Variants in ATP7B observed in about 807,000 individuals in gnomAD.
ATP7B encodes ATPase copper transporting beta, also known as copper-transporting ATPase 2.
A neutral mutation model predicts 118.9 loss-of-function variants in ATP7B; 113 were observed. That is an observed-to-expected ratio of 0.95 (90% CI 0.82 to 1.11). ATP7B has a LOEUF of 1.11. ATP7B is among the 50% of genes most tolerant of loss of function. The pLI is 0.00. For missense variants in ATP7B, 1,867 were observed against 1,871.4 expected (o/e 1.00, Z 0.04); for synonymous variants, 777 against 727.4 (o/e 1.07, Z -1.10).
intron 19 of ATP7B, among the ~76,000 whole-genome samples, chr13:51,936,672 G>A (rs1422703066): frequency 6.6e-6 from 1 of 152,102 alleles, no homozygotes; most frequent in African/African-American, 2.4e-5. Flanking sequence ...GGACTAAGGT[G>A]TACGCTACCA....
intron 4 of ATP7B, 28 bp from the exon 5 acceptor site, chr13:51,965,061 C>A: frequency 6.2e-7 from 1 of 1,613,374 alleles, no homozygotes; most frequent in Non-Finnish European, 8.5e-7. Context: ...AAGAATCCCA[C>A]AGACCCAGGA....
upstream of ATP7B, chr13:52,011,633 C>T (rs955173775): frequency 9.1e-6 from 5 of 549,566 alleles, no homozygotes; most frequent in Non-Finnish European, 1.6e-5. Context: ...CTCGCCCACT[C>T]CCCAGGTGGC....
chr13:51,947,168 G>A (rs965800719), intron 12 of ATP7B, among the ~76,000 whole-genome samples: 3 of 152,148 alleles, frequency 2.0e-5, no homozygotes, highest in African/African-American at 7.2e-5. Context: ...GGTACCAGCA[G>A]CACTGCAAAA....
intron 9 of ATP7B, among the ~76,000 whole-genome samples, chr13:51,955,834 CA>C (rs933818604): frequency 3.4e-4 from 52 of 151,928 alleles, no homozygotes; most frequent in African/African-American, 1.2e-3. Flanking sequence ...ACCCATGGCA[CA>C]GCAGAGCCCA....
Position 51,970,599 on chromosome 13 carries a change from G to A in ATP7B, c.1436C>T (p.Pro479Leu). 6.2e-7 allele frequency: 1 copy of A among 1,614,102 alleles called. No individual in the cohort carries two copies. Among genetic ancestry groups the A allele is most frequent in the East Asian group, 2.2e-5 (1 of 44,868 alleles). ...NHAPDILAKS[P>L]QSTRAVAPQK... is the part of the protein sequence containing the mutation. The stretch of plus-strand genomic sequence containing the variant: ...CGGTGCCACTGCTCTGGTTGATTGT[G>A]GGGACTTTGCCAAGATGTCCGGGGC... Residue 479 changes from proline to leucine, a missense_variant, in exon 3 of 21, where the codon CCA becomes CTA. Pro to Leu is a moderately conservative substitution (Grantham distance 98, BLOSUM62 -3). Transcript: ENST00000242839.
At chr13:51,962,930 A>C (rs1010143548) in intron 5 of ATP7B, among the ~76,000 whole-genome samples, 58 of 152,092 alleles carry the variant, frequency 3.8e-4, no homozygotes, top group Non-Finnish European at 7.8e-4. Context: ...CATCTCTACT[A>C]AAAATACAAA....
intron 1 of ATP7B, among the ~76,000 whole-genome samples, chr13:51,977,218 T>G (rs1263561255): frequency 9.0e-6 from 1 of 110,658 alleles, no homozygotes; most frequent in East Asian, 2.7e-4. Context: ...CTTTTTTACT[T>G]CATAAACGTT....
Position 51,950,666 on chromosome 13 carries a change from T to C in ATP7B, c.2448-267A>G, listed in dbSNP as rs548157818. 1.1e-4 allele frequency among the ~76,000 whole-genome samples: 17 copies of C among 152,070 alleles called. 1 individual carries two copies. Among genetic ancestry groups the C allele is most frequent in the Admixed American group, 8.5e-4 (13 of 15,274 alleles). On this transcript the variant is annotated intron_variant, in intron 9 of 20. Coordinates refer to ENST00000242839, the MANE Select transcript of ATP7B (RefSeq NM_000053.4). ...TGGTAGAAATGGACAACAAGCAAGA[T>C]AGAATCAGGTATTAAATATTAATAA... is the stretch of plus-strand genomic sequence containing the variant.
Position 51,974,138 on chromosome 13 carries a change from G to A in ATP7B, c.1082C>T (p.Thr361Ile), listed in dbSNP as rs1243293542. 2.5e-6 allele frequency: 4 copies of A among 1,613,962 alleles called. No homozygotes were observed. Among genetic ancestry groups the A allele is most frequent in the Non-Finnish European group, 3.4e-6 (4 of 1,180,024 alleles). ...GGTCATGCCGGCAATGGCAATCAGA[G>A]TGGTACTGCATGTGCCCTGGACCTG... ...RNQVQGTCST[T>I]LIAIAGMTCA... The change falls in exon 2 of 21, where the codon ACT becomes ATT. Residue 361 changes from threonine (T) to isoleucine (I), a missense_variant. Transcript: ENST00000242839.
At chr13:51,970,387 T>C (rs1336094638) in intron 3 of ATP7B, 105 bp downstream of exon 3, 8 of 1,520,928 alleles carry the variant, frequency 5.3e-6, no homozygotes, top group Non-Finnish European at 7.3e-6. Flanking sequence ...ACTTGCTACC[T>C]GGTTATCAGG....
Position 51,974,895 on chromosome 13 carries a change from G to A in ATP7B, c.325C>T (p.Leu109=), listed in dbSNP as rs751920801. The change falls in exon 2 of 21, where the codon CTG becomes TTG. Residue 109 remains leucine, a synonymous_variant. Transcript: ENST00000242839. ...TVKYVPSVVC[L]QQVCHQIGDM... ...CCAATTTGATGGCAAACCTGTTGCAGGCACACAACCGATGGCACATATTTC... is the reference window on the plus strand; with the variant it reads ...CCAATTTGATGGCAAACCTGTTGCAAGCACACAACCGATGGCACATATTTC... 237 of 1,614,114 alleles carry A rather than the reference G, an allele frequency of 1.5e-4. No homozygotes were observed. The highest frequency in any genetic ancestry group is 2.0e-4 in the Non-Finnish European group (232 of 1,180,046).
intron 1 of ATP7B, among the ~76,000 whole-genome samples, chr13:51,988,219 AAAAC>A (rs2140329717): frequency 6.6e-6 from 1 of 152,002 alleles, no homozygotes; most frequent in East Asian, 1.9e-4. Flanking sequence ...CAAGAAAAAA[AAAAC>A]AACCCCATCA....
chr13:51,941,712 G>A (rs747058238), intron 15 of ATP7B, among the ~76,000 whole-genome samples: 3 of 152,172 alleles, frequency 2.0e-5, no homozygotes, highest in Non-Finnish European at 2.9e-5. Flanking sequence ...TTCTAACAGC[G>A]TGTGCTGCTA....
chr13:51,957,438 A>C, intron 9 of ATP7B, 78 bp downstream of exon 9: 1 of 1,426,210 alleles, frequency 7.0e-7, no homozygotes, highest in Non-Finnish European at 9.9e-7. Flanking sequence ...TGCAATGTCA[A>C]TACAACATGG....
intron 17 of ATP7B, among the ~76,000 whole-genome samples, chr13:51,937,900 A>C (rs1293420210): frequency 6.6e-6 from 1 of 152,078 alleles, no homozygotes; most frequent in Admixed American, 6.5e-5. Flanking sequence ...GGATGTGCAA[A>C]CAACCCCCTT....
rs1225522672 is a variant in ATP7B at position 51,964,954 on chromosome 13, G to C, written c.1787C>G (p.Ser596Cys). The C allele has an allele frequency of 6.2e-7, 1 of 1,614,168 alleles. No homozygotes were observed. Among genetic ancestry groups the C allele is most frequent in the Admixed American group, 1.7e-5 (1 of 60,020 alleles). ...GGCTTTGCTGGTGGCAAGGGCAACG[G>C]AGGCATAAGTGATGCCATTTGTCCT... ...LTRTNGITYA[S>C]VALATSKALV... Residue 596 changes from serine to cysteine, a missense_variant, in exon 5 of 21, where the codon TCC (serine) becomes TGC (cysteine). Coordinates refer to ENST00000242839, the MANE Select transcript of ATP7B (RefSeq NM_000053.4).
At chr13:52,011,568 C>T (rs1047767095), upstream of ATP7B, 4 of 627,726 alleles carry the variant, frequency 6.4e-6, no homozygotes, top group African/African-American at 3.6e-5. Flanking sequence ...CGCCGCCGTC[C>T]TCCCGACCTG....
chr13:51,988,292 C>T (rs1458207411), intron 1 of ATP7B, among the ~76,000 whole-genome samples: 1 of 151,538 alleles, frequency 6.6e-6, no homozygotes, highest in East Asian at 1.9e-4. Flanking sequence ...ATGCAGCCAA[C>T]AAACATGAAA....
chr13:51,944,928 C>T (rs1208830440), intron 13 of ATP7B, among the ~76,000 whole-genome samples: 6 of 152,200 alleles, frequency 3.9e-5, no homozygotes, highest in Admixed American at 3.9e-4. Flanking sequence ...GCCCTGAGCC[C>T]TGCTTCTGAA....
Sources: allele counts gnomAD v4.1 joint callset (sites outside exome capture counted in the v4.1 genomes callset), GRCh38; gene constraint gnomAD v4.1.1; transcripts MANE v1.5; gene names NCBI Gene and HGNC (gene_info 2026-07-23, HGNC 2026-07-21).